Variants in MGMT observed in about 807,000 individuals in gnomAD.
MGMT encodes the protein methylated-DNA--protein-cysteine methyltransferase.
In MGMT, 14 loss-of-function variants were observed where a neutral mutation model predicts 15.9. That is an observed-to-expected ratio of 0.88 (90% CI 0.58 to 1.37). The LOEUF is 1.37. Among genes scored for constraint, MGMT ranks in the 40% most tolerant of loss-of-function variants. MGMT has a pLI of 0.00. For synonymous variants in MGMT, 130 were observed against 118.2 expected, an observed-to-expected ratio of 1.10 and a Z score of -0.65; for missense variants, 282 against 268.1, an observed-to-expected ratio of 1.05 and a Z score of -0.36.
At chr10:129,571,870 A>G (rs982817079) in intron 2 of MGMT, among the ~76,000 whole-genome samples, 8 of 152,350 alleles carry the variant, frequency 5.3e-5, no homozygotes, top group African/African-American at 1.9e-4. Context: ...ATCAGAATAC[A>G]ATATAAATTA....
At position 129,566,589 on chromosome 10, in the gene MGMT, A is replaced by G. The variant is rs1189185266; in HGVS notation, c.125+30212A>G. On this transcript the variant is annotated intron_variant, in intron 2 of 4. Transcript: ENST00000651593. The surrounding 1 kb of genome is among the most constrained non-coding windows in gnomAD (Gnocchi z 4.1). ...GTGGAGGTGTTGCACTGAGGACCAC[A>G]GCAGCCCTCGCATTCCTACACATAC... 6.6e-6 allele frequency among the ~76,000 whole-genome samples: 1 copy of G among 152,140 alleles called. No individual in the cohort carries two copies. Among genetic ancestry groups the G allele is most frequent in the East Asian group, 1.9e-4 (1 of 5,180 alleles).
In MGMT at chr10:129,489,599, A is replaced by G. The variant is rs142056891; in HGVS notation, c.-13+22303A>G. Among the ~76,000 whole-genome samples, 101 of 152,152 alleles carry G rather than the reference A, an allele frequency of 6.6e-4. 1 individual carries two copies. The highest frequency in any genetic ancestry group is 3.4e-3 in the Middle Eastern group (1 of 294). ...GATATGAATCTGCCTCTTCAGGAAT[A>G]TGCGCTCTTGCACTCTCTGTCTCTC... On this transcript the variant is annotated intron_variant, in intron 1 of 4. Coordinates refer to ENST00000651593, the MANE Select transcript of MGMT (RefSeq NM_002412.5).
At chr10:129,583,067 A>G (rs1846575684) in intron 2 of MGMT, among the ~76,000 whole-genome samples, 2 of 152,196 alleles carry the variant, frequency 1.3e-5, no homozygotes, top group Admixed American at 6.5e-5. Flanking sequence ...TATCTTTCTG[A>G]TAGGCTGTCT....
intron 1 of MGMT, among the ~76,000 whole-genome samples, chr10:129,475,853 G>A (rs1162018511): frequency 6.6e-6 from 1 of 152,248 alleles, no homozygotes; most frequent in Non-Finnish European, 1.5e-5. Context: ...AAAGTTCAAC[G>A]TTATCTACCC....
intron 1 of MGMT, among the ~76,000 whole-genome samples, chr10:129,518,341 C>CACACAT (rs1210298434): frequency 0.018 from 1,141 of 64,566 alleles, 9 homozygotes; most frequent in Non-Finnish European, 0.028. Flanking sequence ...CACACATACA[C>CACACAT]ACACACACAC....
At position 129,627,407 on chromosome 10, in the gene MGMT, C is replaced by T. The variant is rs139219283; in HGVS notation, c.126-80488C>T. On this transcript the variant is annotated intron_variant, in intron 2 of 4. Transcript: ENST00000651593. The stretch of plus-strand genomic sequence containing the variant: ...CCTCCCTCTCTTCCCTGCTTCCCTC[C>T]TCTACTCAAAAAAAAGAAAGAAAGA... Among the ~76,000 whole-genome samples the T allele has an allele frequency of 8.1e-3, 1,063 of 131,096 alleles. 4 individuals carry two copies. The highest frequency in any genetic ancestry group is 0.013 in the Non-Finnish European group (736 of 57,116). 86.0% of individuals were successfully genotyped at this position (131,096 alleles called of 152,430 possible). A position where few individuals can be genotyped will look rare whatever the true frequency, so the allele number is the denominator to read the frequency against.
chr10:129,575,307 A>T (rs865836854), intron 2 of MGMT, among the ~76,000 whole-genome samples: 1 of 152,348 alleles, frequency 6.6e-6, no homozygotes, highest in South Asian at 2.1e-4. Flanking sequence ...CAGCAAATGT[A>T]AAAGAACAGA....
chr10:129,594,069 G>T (rs1846722018), intron 2 of MGMT, among the ~76,000 whole-genome samples: 1 of 152,170 alleles, frequency 6.6e-6, no homozygotes, highest in Non-Finnish European at 1.5e-5. Flanking sequence ...GTTTATGCGA[G>T]GCCGGCAAAG....
chr10:129,656,959 T>A (rs1398324783), intron 2 of MGMT, among the ~76,000 whole-genome samples: 1 of 152,030 alleles, frequency 6.6e-6, no homozygotes, highest in Admixed American at 6.6e-5. Context: ...CAAAAGAACT[T>A]CCACGCAGAA....
chr10:129,749,763 A>G (rs61876575), intron 3 of MGMT, among the ~76,000 whole-genome samples: 2 of 152,102 alleles, frequency 1.3e-5, no homozygotes, highest in Non-Finnish European at 2.9e-5. Flanking sequence ...TTTTTGCTCC[A>G]CATCCTTGCC....
intron 2 of MGMT, among the ~76,000 whole-genome samples, chr10:129,678,812 C>T (rs1847815111): frequency 6.6e-6 from 1 of 152,136 alleles, no homozygotes; most frequent in South Asian, 2.1e-4. Flanking sequence ...TGGCTCATGC[C>T]TGTGGTCCCA....
chr10:129,587,076 G>C (rs1846626554), intron 2 of MGMT, among the ~76,000 whole-genome samples: 1 of 152,120 alleles, frequency 6.6e-6, no homozygotes, highest in South Asian at 2.1e-4. Context: ...GACTTGCATT[G>C]TTTCGGACCA....
At chr10:129,704,881 G>A (rs1337160574) in intron 2 of MGMT, among the ~76,000 whole-genome samples, 2 of 152,146 alleles carry the variant, frequency 1.3e-5, no homozygotes, top group Admixed American at 1.3e-4. Context: ...GTGTGAGACT[G>A]GCCCGAGGTC....
chr10:129,675,456 C>T (rs1395966120), intron 2 of MGMT, among the ~76,000 whole-genome samples: 2 of 152,100 alleles, frequency 1.3e-5, no homozygotes, highest in African/African-American at 4.8e-5. Context: ...AAAACGAGGA[C>T]TTTGTGATTA....
rs970566160 is a variant in MGMT at position 129,556,284 on chromosome 10, T to C, written c.125+19907T>C. On this transcript the variant is annotated intron_variant, in intron 2 of 4. Coordinates refer to ENST00000651593, the MANE Select transcript of MGMT (RefSeq NM_002412.5). This position sits in a 1 kb window ranked among gnomAD's most constrained non-coding sequence, Gnocchi z 4.3. ...TCTGGATGTGACAGTATTTTTGAGA[T>C]AGGGTCTCTTAGAAAGGTGATTAGG... Among the ~76,000 whole-genome samples, 3 of 152,142 alleles carry C rather than the reference T, an allele frequency of 2.0e-5. No individual in the cohort carries two copies. Among genetic ancestry groups the C allele is most frequent in the African/African-American group, 7.2e-5 (3 of 41,434 alleles).
At chr10:129,727,823 G>A (rs373680518) in intron 3 of MGMT, among the ~76,000 whole-genome samples, 12 of 152,248 alleles carry the variant, frequency 7.9e-5, no homozygotes, top group Non-Finnish European at 1.8e-4. Context: ...GCCTTCAGCT[G>A]TGTGGGCTGG....
intron 2 of MGMT, among the ~76,000 whole-genome samples, chr10:129,580,159 G>A (rs900142048): frequency 7.9e-5 from 12 of 152,170 alleles, no homozygotes; most frequent in Non-Finnish European, 1.3e-4. Flanking sequence ...TCTCAGCAGG[G>A]AGGAGTATTC....
At chr10:129,597,477 TA>T (rs143762856) in intron 2 of MGMT, among the ~76,000 whole-genome samples, 1 of 150,732 alleles carries the variant, frequency 6.6e-6, no homozygotes, top group African/African-American at 2.4e-5. Flanking sequence ...TCCAGAAAAA[TA>T]AAAAAACAAA....
At chr10:129,652,491 G>A (rs1202061570) in intron 2 of MGMT, among the ~76,000 whole-genome samples, 5 of 152,228 alleles carry the variant, frequency 3.3e-5, no homozygotes, top group Non-Finnish European at 7.3e-5. Flanking sequence ...ATGTGCGTGC[G>A]CCCATGCGAA....
Sources: allele counts gnomAD v4.1 joint callset (sites outside exome capture counted in the v4.1 genomes callset), GRCh38; gene constraint gnomAD v4.1.1; non-coding constraint Gnocchi (gnomAD v3.1); transcripts MANE v1.5; gene names NCBI Gene and HGNC (gene_info 2026-07-23, HGNC 2026-07-21).